RNMT: variants seen among roughly 807,000 people sequenced by gnomAD.
RNMT encodes the protein RNA guanine-7 methyltransferase, also known as mRNA cap guanine-N(7) methyltransferase.
Under a neutral mutation model 56.0 loss-of-function variants are expected in RNMT, and 27 were observed. That is an observed-to-expected ratio of 0.48 (90% CI 0.36 to 0.67). The LOEUF (loss-of-function observed/expected upper bound fraction) is 0.67. RNMT is among the 30% of genes least tolerant of loss of function. RNMT has a pLI of 0.00. For missense variants in RNMT, 519 were observed against 552.1 expected, an observed-to-expected ratio of 0.94 and a Z score of 0.60; for synonymous variants, 184 against 176.2, an observed-to-expected ratio of 1.04 and a Z score of -0.35.
chr18:13,746,145 C>T lies in RNMT; in HGVS notation c.1140-75C>T, dbSNP rs527801953. The T allele has an allele frequency of 3.3e-4, 245 of 746,974 alleles. 1 individual carries two copies. The African/African-American group carries it at 4.0e-3, about 12-fold the overall frequency. 46.3% of individuals were successfully genotyped at this position (746,974 alleles called of 1,614,324 possible). A position where few individuals can be genotyped will look rare whatever the true frequency, so the allele number is the denominator to read the frequency against. ...TTTTTTAGTTAAGTCCAGAAGATGT[C>T]ATTGCTGTACAAAAGTAAGTTGAGG... On this transcript the variant is annotated intron_variant, in intron 8 of 11. Coordinates refer to ENST00000383314, the MANE Select transcript of RNMT (RefSeq NM_003799.3).
intron 9 of RNMT, among the ~76,000 whole-genome samples, chr18:13,749,753 C>T (rs1167077256): frequency 6.6e-6 from 1 of 152,056 alleles, no homozygotes; most frequent in East Asian, 1.9e-4. Context: ...GACAGAGTCT[C>T]GCTCTGTCAT....
At chr18:13,744,612 G>T (rs1216231614) in intron 8 of RNMT, among the ~76,000 whole-genome samples, 1 of 152,128 alleles carries the variant, frequency 6.6e-6, no homozygotes, top group Non-Finnish European at 1.5e-5. Flanking sequence ...TGAACTGCCT[G>T]GAATAAAAGA....
chr18:13,742,413 A>G (rs999884901), intron 7 of RNMT, 75 bp from the exon 8 acceptor site: 17 of 1,392,366 alleles, frequency 1.2e-5, no homozygotes, highest in African/African-American at 4.3e-5. Flanking sequence ...TTTCACATGC[A>G]TAATCTGATC....
Position 13,746,333 on chromosome 18 carries a change from T to G in RNMT, c.1253T>G (p.Leu418Trp). Residue 418 changes from leucine (L) to tryptophan (W), a missense_variant, in exon 9 of 12, where the codon TTG (leucine) becomes TGG (tryptophan). Leu to Trp is a moderately conservative substitution (Grantham distance 61). Coordinates refer to ENST00000383314, the MANE Select transcript of RNMT (RefSeq NM_003799.3). Reference sequence around the variant, plus strand: ...ATGCTCTTAAAACGAATGCAGGCCTTGGAGGTGAGTATTTAGAAAAGATGT... The same window carrying G: ...ATGCTCTTAAAACGAATGCAGGCCTGGGAGGTGAGTATTTAGAAAAGATGT... ...NKMLLKRMQALEPYPANESSK... is the reference protein window; with the variant it reads ...NKMLLKRMQAWEPYPANESSK... 1.4e-6 allele frequency: 2 copies of G among 1,470,244 alleles called. No homozygotes were observed. The highest frequency in any genetic ancestry group is 1.9e-6 in the Non-Finnish European group (2 of 1,064,026). The allele number at this position is 1,470,244 out of a possible 1,614,324, so 91.1% of individuals were successfully genotyped here. A position where few individuals can be genotyped will look rare whatever the true frequency, so the allele number is the denominator to read the frequency against.
At chr18:13,741,796 G>A in intron 7 of RNMT, 105 bp downstream of exon 7, 2 of 670,752 alleles carry the variant, frequency 3.0e-6, no homozygotes, top group Non-Finnish European at 4.8e-6. Context: ...AATCTTATAA[G>A]TGTTGAACAC....
rs2149111688 is a variant in RNMT, at chr18:13,761,572, G to C, written c.*1593G>C. ...ACCTCTTCCACGCCATGGGTAACTT[G>C]GGGGAGAGAAGAATCCTCCAAACGA... On this transcript the variant is annotated 3_prime_UTR_variant, in exon 12 of 12. Coordinates refer to ENST00000383314, the MANE Select transcript of RNMT (RefSeq NM_003799.3). 8 of 992,534 alleles carry C rather than the reference G, an allele frequency of 8.1e-6. No homozygotes were observed. The South Asian group carries it at 3.6e-4, about 45-fold the overall frequency. 61.5% of individuals were successfully genotyped at this position (992,534 alleles called of 1,614,324 possible). A position where few individuals can be genotyped will look rare whatever the true frequency, so the allele number is the denominator to read the frequency against.
At chr18:13,744,880 T>C (rs370654984) in intron 8 of RNMT, among the ~76,000 whole-genome samples, 3 of 152,130 alleles carry the variant, frequency 2.0e-5, no homozygotes, top group African/African-American at 7.2e-5. Flanking sequence ...GATTATAAAC[T>C]TGGCAAATGC....
At chr18:13,759,832 T>C (rs997326187) in intron 11 of RNMT, 110 bp from the exon 12 acceptor site, 6 of 883,394 alleles carry the variant, frequency 6.8e-6, no homozygotes, top group Non-Finnish European at 1.1e-5. Context: ...ATTTTCCTCT[T>C]CAGAAGCTGC....
rs1370436333 is a variant in RNMT at position 13,746,259 on chromosome 18, A to G, written c.1179A>G (p.Lys393=). The change falls in exon 9 of 12, where the codon AAA becomes AAG. Residue 393 remains lysine, a synonymous_variant. Coordinates refer to ENST00000383314, the MANE Select transcript of RNMT (RefSeq NM_003799.3). The stretch of plus-strand genomic sequence containing the variant: ...ACAATATGAAACTAGTCTACAAAAA[A>G]ACATTTCTGGAATTCTACGAAGAAA... ...KKYNMKLVYK[K]TFLEFYEEKI... 7 of 1,566,990 alleles carry G rather than the reference A, an allele frequency of 4.5e-6. No individual in the cohort carries two copies. Among genetic ancestry groups the G allele is most frequent in the Non-Finnish European group, 6.1e-6 (7 of 1,147,112 alleles).
chr18:13,745,294 C>G (rs1428147017), intron 8 of RNMT, among the ~76,000 whole-genome samples: 1 of 152,090 alleles, frequency 6.6e-6, no homozygotes, highest in Non-Finnish European at 1.5e-5. Flanking sequence ...TTGGAAAATT[C>G]ATTGAGGGAG....
At chr18:13,741,721 T>C in intron 7 of RNMT, 30 bp downstream of exon 7, 1 of 1,448,086 alleles carries the variant, frequency 6.9e-7, no homozygotes, top group Middle Eastern at 1.9e-4. Flanking sequence ...TTGTGGTTTA[T>C]AAAATATTCA....
intron 11 of RNMT, among the ~76,000 whole-genome samples, chr18:13,755,833 C>T (rs556768073): frequency 2.6e-5 from 4 of 152,170 alleles, no homozygotes; most frequent in East Asian, 1.9e-4. Context: ...ATCATGATGG[C>T]GGTACTGGCT....
chr18:13,750,487 A>G (rs1173209481), intron 9 of RNMT, among the ~76,000 whole-genome samples: 1 of 152,034 alleles, frequency 6.6e-6, no homozygotes, highest in Non-Finnish European at 1.5e-5. Flanking sequence ...AGCTGTGAAT[A>G]TCCTAAGATT....
In RNMT at chr18:13,762,128, A is replaced by G. The variant is rs2149112270; in HGVS notation, c.*2149A>G. The G allele has an allele frequency of 6.5e-7, 1 of 1,535,592 alleles. No homozygotes were observed. The highest frequency in any genetic ancestry group is 8.7e-7 in the Non-Finnish European group (1 of 1,146,708). On this transcript the variant is annotated 3_prime_UTR_variant, in exon 12 of 12. Coordinates refer to ENST00000383314, the MANE Select transcript of RNMT (RefSeq NM_003799.3). Reference sequence around the variant, plus strand: ...TGCTGCAAGCTCAGTGAAGTGGGGCACTCCCAGACCTGCCATGCAGTTTAT... The same window carrying G: ...TGCTGCAAGCTCAGTGAAGTGGGGCGCTCCCAGACCTGCCATGCAGTTTAT...
chr18:13,734,826 T>C (rs1186398262), intron 4 of RNMT, among the ~76,000 whole-genome samples: 1 of 152,214 alleles, frequency 6.6e-6, no homozygotes, highest in African/African-American at 2.4e-5. Context: ...CCTAGTACTA[T>C]TAAGTAATGA....
At chr18:13,734,261 A>G (rs953935741) in intron 3 of RNMT, among the ~76,000 whole-genome samples, 1 of 152,204 alleles carries the variant, frequency 6.6e-6, no homozygotes, top group Admixed American at 6.5e-5. Context: ...TAGCAGCAAC[A>G]TTAAAATGGA....
At chr18:13,740,386 TA>T (rs1399111127) in intron 6 of RNMT, 107 bp downstream of exon 6, 7 of 667,610 alleles carry the variant, frequency 1.0e-5, no homozygotes, top group South Asian at 9.8e-5. Flanking sequence ...AATTTACTCT[TA>T]TTTTTTGAGA....
chr18:13,740,177 T>C lies in RNMT; in HGVS notation c.690T>C (p.Asp230=), dbSNP rs2044229867. 2.5e-6 allele frequency: 4 copies of C among 1,606,944 alleles called. No homozygotes were observed. The highest frequency in any genetic ancestry group is 1.3e-5 in the African/African-American group (1 of 74,892). The change falls in exon 6 of 12, where the codon GAT becomes GAC. Residue 230 remains aspartate, a synonymous_variant. Coordinates refer to ENST00000383314, the MANE Select transcript of RNMT (RefSeq NM_003799.3). The stretch of plus-strand genomic sequence containing the variant: ...CTTCCATCCTTCCAGATATTGCCGA[T>C]GTTTCTGTCAAACAGTGTCAGCAGC... The part of the protein sequence containing the change: ...INKLVCTDIA[D]VSVKQCQQRY...
intron 1 of RNMT, among the ~76,000 whole-genome samples, chr18:13,727,523 T>TA (rs2043980829): frequency 6.6e-6 from 1 of 152,270 alleles, no homozygotes; most frequent in South Asian, 2.1e-4. Context: ...GATACTTTGA[T>TA]ACATGCATAC....
Sources: allele counts gnomAD v4.1 joint callset (sites outside exome capture counted in the v4.1 genomes callset), GRCh38; gene constraint gnomAD v4.1.1; transcripts MANE v1.5; gene names NCBI Gene and HGNC (gene_info 2026-07-23, HGNC 2026-07-21).